NEK11: variants seen among roughly 807,000 people sequenced by gnomAD.
The protein encoded by NEK11 is NIMA related kinase 11.
NEK11 carries 72 observed loss-of-function variants against 80.7 expected under a neutral mutation model. The ratio of observed to expected loss-of-function variants is 0.89; its 90% CI spans 0.74 to 1.08. NEK11 has a LOEUF of 1.08. Among genes scored for constraint, NEK11 ranks in the 50% least tolerant of loss-of-function variants. The pLI, the probability that NEK11 is intolerant of heterozygous loss-of-function variation, is 0.00. For synonymous variants in NEK11, 251 were observed against 260.7 expected (o/e 0.96, Z 0.36); for missense variants, 764 against 763.6 (o/e 1.00, Z -0.01).
intron 15 of NEK11, among the ~76,000 whole-genome samples, chr3:131,239,030 T>C (rs2095480023): frequency 6.6e-6 from 1 of 152,214 alleles, no homozygotes; most frequent in South Asian, 2.1e-4. Flanking sequence ...GCAGCCTGCA[T>C]TGAGGCCACT....
intron 3 of NEK11, among the ~76,000 whole-genome samples, chr3:131,048,760 C>G (rs986941677): frequency 2.0e-5 from 3 of 152,236 alleles, no homozygotes; most frequent in African/African-American, 7.2e-5. Context: ...TCTTCACACG[C>G]TGCTCTGTCT....
chr3:131,174,813 T>C, intron 14 of NEK11: 2 of 1,609,718 alleles, frequency 1.2e-6, no homozygotes, highest in South Asian at 2.2e-5. Context: ...AAAGCTGGAA[T>C]AGCCTGAGAC....
intron 4 of NEK11, among the ~76,000 whole-genome samples, chr3:131,097,273 T>C (rs1327822667): frequency 1.3e-5 from 2 of 152,030 alleles, no homozygotes; most frequent in Non-Finnish European, 2.9e-5. Context: ...CTGGGTCAAA[T>C]GCTATTTCTA....
chr3:131,233,399 T>G (rs917635426), intron 15 of NEK11, among the ~76,000 whole-genome samples: 1 of 152,188 alleles, frequency 6.6e-6, no homozygotes, highest in Non-Finnish European at 1.5e-5. Context: ...GGGTCTATCT[T>G]GAAGGGACTT....
intron 17 of NEK11, among the ~76,000 whole-genome samples, chr3:131,343,967 A>G (rs932153233): frequency 8.5e-5 from 13 of 152,192 alleles, no homozygotes; most frequent in African/African-American, 2.9e-4. Flanking sequence ...TTAGGTATGC[A>G]AATATCTCTA....
Position 131,029,663 on chromosome 3 carries a change from T to A in NEK11, c.-46T>A. On this transcript the variant is annotated 5_prime_UTR_variant, in exon 3 of 18. Coordinates refer to ENST00000383366, the MANE Select transcript of NEK11 (RefSeq NM_024800.5). The stretch of plus-strand genomic sequence containing the variant: ...GACCATTTCTTAGGAGACTGGAATG[T>A]TAAGTTTCTATAAATGAATGAACCA... 1 of 1,579,432 alleles carries A rather than the reference T, an allele frequency of 6.3e-7. No homozygotes were observed. Among genetic ancestry groups the A allele is most frequent in the Non-Finnish European group, 8.7e-7 (1 of 1,153,182 alleles).
chr3:131,241,415 TG>T (rs1186763015), intron 15 of NEK11, among the ~76,000 whole-genome samples: 3 of 152,224 alleles, frequency 2.0e-5, no homozygotes, highest in African/African-American at 4.8e-5. Context: ...TAGGGAGCAA[TG>T]GTCCAGCCAT....
chr3:131,069,593 A>G (rs991286985), intron 3 of NEK11, among the ~76,000 whole-genome samples: 2 of 151,942 alleles, frequency 1.3e-5, no homozygotes, highest in African/African-American at 4.8e-5. Flanking sequence ...TCCAACAATG[A>G]TAGACTGGAT....
At chr3:131,347,319 A>G (rs1431449279) in intron 17 of NEK11, among the ~76,000 whole-genome samples, 1 of 152,250 alleles carries the variant, frequency 6.6e-6, no homozygotes, top group East Asian at 1.9e-4. Flanking sequence ...TGCCTAGTTC[A>G]TAAGGAGCAT....
At chr3:131,112,572 C>T (rs2080312892) in intron 5 of NEK11, among the ~76,000 whole-genome samples, 1 of 152,108 alleles carries the variant, frequency 6.6e-6, no homozygotes, top group Non-Finnish European at 1.5e-5. Flanking sequence ...GTAAGTTATA[C>T]TCTAGTTTAA....
At chr3:131,109,748 C>A in intron 4 of NEK11, 55 bp from the exon 5 acceptor site, 1 of 1,521,880 alleles carries the variant, frequency 6.6e-7, no homozygotes. Context: ...GTTAAGTGAA[C>A]TTGATTTTAA....
chr3:131,281,873 T>C (rs1220991782), intron 17 of NEK11, among the ~76,000 whole-genome samples: 1 of 152,208 alleles, frequency 6.6e-6, no homozygotes, highest in African/African-American at 2.4e-5. Context: ...TCTATTTTAC[T>C]TGCTTTTGGT....
chr3:131,335,754 A>C (rs1402190500), intron 17 of NEK11, among the ~76,000 whole-genome samples: 1 of 152,240 alleles, frequency 6.6e-6, no homozygotes, highest in Non-Finnish European at 1.5e-5. Context: ...TAAGCTGATA[A>C]GCAACTTCAG....
chr3:131,275,811 A>C (rs1273394224), intron 17 of NEK11, among the ~76,000 whole-genome samples: 1 of 152,252 alleles, frequency 6.6e-6, no homozygotes, highest in Non-Finnish European at 1.5e-5. Context: ...TTGGGATGCC[A>C]AGAAGAATAG....
At chr3:131,276,859 A>G (rs1313190421) in intron 17 of NEK11, among the ~76,000 whole-genome samples, 2 of 152,160 alleles carry the variant, frequency 1.3e-5, no homozygotes, top group African/African-American at 4.8e-5. Context: ...CATTATAGCA[A>G]TTGTTTTTCT....
At position 131,287,489 on chromosome 3, in the gene NEK11, G is replaced by A. The variant is rs551340231; in HGVS notation, c.1718+13915G>A. On this transcript the variant is annotated intron_variant, in intron 17 of 17. Transcript: ENST00000383366. Reference sequence around the variant, plus strand: ...GGGTTTCGCCATGTTGGCCAGGCTGGTCTCGAACTCCTGACCTCAGGTGAT... The same window carrying A: ...GGGTTTCGCCATGTTGGCCAGGCTGATCTCGAACTCCTGACCTCAGGTGAT... Among the ~76,000 whole-genome samples the A allele has an allele frequency of 4.6e-5, 7 of 152,252 alleles. No homozygotes were observed. In the South Asian group the frequency reaches 1.5e-3, roughly 32 times the overall value.
At chr3:131,333,131 T>C (rs1368939182) in intron 17 of NEK11, among the ~76,000 whole-genome samples, 4 of 151,994 alleles carry the variant, frequency 2.6e-5, no homozygotes, top group African/African-American at 9.7e-5. Context: ...ACAAAGATAC[T>C]CCTCAAGAAG....
chr3:131,029,558 G>A, intron 2 of NEK11, 55 bp from the exon 3 acceptor site: 1 of 660,116 alleles, frequency 1.5e-6, no homozygotes, highest in Non-Finnish European at 2.5e-6. Flanking sequence ...AACACTTTTT[G>A]TTAGACATCG....
chr3:131,134,336 C>T (rs966507083), intron 7 of NEK11: 1 of 157,556 alleles, frequency 6.3e-6, no homozygotes, highest in Non-Finnish European at 1.4e-5. Context: ...GAATGTACAG[C>T]TTTTCTATAT....
Sources: gnomAD v4.1 joint callset for allele counts (sites outside exome capture counted in the v4.1 genomes callset) on GRCh38, gnomAD v4.1.1 for gene constraint, MANE v1.5 for transcripts, NCBI Gene and HGNC (gene_info 2026-07-23, HGNC 2026-07-21) for gene names.